The following ELFN1 variants were observed in gnomAD, a reference collection of about 807,000 sequenced individuals.
The protein encoded by ELFN1 is extracellular leucine rich repeat and fibronectin type III domain containing 1, also known as protein ELFN1.
A neutral mutation model predicts 7.6 loss-of-function variants in ELFN1; 6 were observed. The ratio of observed to expected loss-of-function variants is 0.79; its 90% CI spans 0.43 to 1.56. The LOEUF (loss-of-function observed/expected upper bound fraction) is 1.56. Among genes scored for constraint, ELFN1 ranks in the 40% most tolerant of loss-of-function variants. The probability of loss-of-function intolerance (pLI) is 0.01; values close to 1 mark genes in which losing one functional copy is unlikely to be tolerated. For synonymous variants in ELFN1, 657 were observed against 588.1 expected (o/e 1.12, Z -1.70); for missense variants, 1,169 against 1,232.2 (o/e 0.95, Z 0.77).
rs1554245198 is a variant in ELFN1, at chr7:1,673,093, C to CGT, written c.-549+2739_-549+2740insGT. ...TTTGTCATCTCTCCAGCGCCCCCCC[C>CGT]CGCTCTTTCCTTTTTGTTTTTGTTG... On this transcript the variant is annotated intron_variant, in intron 1 of 3. Transcript: ENST00000424383. This position sits in a 1 kb window ranked among gnomAD's most constrained non-coding sequence, Gnocchi z 4.7. Among the ~76,000 whole-genome samples, 6 of 151,606 alleles carry CGT rather than the reference C, an allele frequency of 4.0e-5. No individual in the cohort carries two copies. The highest frequency in any genetic ancestry group is 8.8e-5 in the Non-Finnish European group (6 of 67,902).
chr7:1,744,913 G>T lies in ELFN1; in HGVS notation c.317G>T (p.Gly106Val). The T allele has an allele frequency of 6.4e-7, 1 of 1,553,700 alleles. No individual in the cohort carries two copies. The highest frequency in any genetic ancestry group is 8.7e-7 in the Non-Finnish European group (1 of 1,148,122). Residue 106 changes from glycine (G) to valine (V), a missense_variant, in exon 4 of 4, where the codon GGC (glycine) becomes GTC (valine). Gly to Val is a moderately radical substitution (Grantham distance 109). Coordinates refer to ENST00000424383, the MANE Select transcript of ELFN1 (RefSeq NM_001128636.4). ...IGYIEDGAFS[G>V]QFNLQVLQLG... ...TACATCGAGGACGGCGCCTTCTCGG[G>T]CCAGTTCAACCTGCAGGTGCTGCAG...
At chr7:1,685,223 C>T (rs1403265877) in intron 1 of ELFN1, among the ~76,000 whole-genome samples, 1 of 152,138 alleles carries the variant, frequency 6.6e-6, no homozygotes, top group Admixed American at 6.5e-5. Context: ...CACTGTGAAT[C>T]AATTTTCTCC....
chr7:1,733,092 G>C (rs1780357966), intron 3 of ELFN1, among the ~76,000 whole-genome samples: 1 of 151,938 alleles, frequency 6.6e-6, no homozygotes, highest in Non-Finnish European at 1.5e-5. Context: ...GTAGAGATGG[G>C]GTTTCACCAT....
intron 1 of ELFN1, among the ~76,000 whole-genome samples, chr7:1,675,954 G>A (rs944207087): frequency 9.2e-5 from 14 of 152,216 alleles, no homozygotes; most frequent in Non-Finnish European, 1.9e-4. Context: ...GGACCCTCAG[G>A]ATGTGTCTCC....
chr7:1,713,138 T>C (rs1779714019), intron 3 of ELFN1, among the ~76,000 whole-genome samples: 2 of 152,184 alleles, frequency 1.3e-5, no homozygotes, highest in Admixed American at 1.3e-4. Flanking sequence ...CCCAGCCCCA[T>C]AGCCTCCGGA....
upstream of ELFN1, among the ~76,000 whole-genome samples, chr7:1,669,936 G>C (rs1420398535): frequency 6.8e-6 from 1 of 147,514 alleles, no homozygotes; most frequent in East Asian, 2.1e-4. Context: ...CCGCGAGGAC[G>C]CCCCCTGCGC....
chr7:1,666,978 C>T (rs1028581028), upstream of ELFN1, among the ~76,000 whole-genome samples: 1 of 151,328 alleles, frequency 6.6e-6, no homozygotes, highest in Admixed American at 6.6e-5. The surrounding 1 kb of genome is among the most constrained non-coding windows in gnomAD (Gnocchi z 7.9). Context: ...GAAGCTGGCG[C>T]GGCGGGGCTG....
At chr7:1,667,855 G>A (rs1778693299), upstream of ELFN1, among the ~76,000 whole-genome samples, 1 of 152,060 alleles carries the variant, frequency 6.6e-6, no homozygotes, top group Non-Finnish European at 1.5e-5. This position sits in a 1 kb window ranked among gnomAD's most constrained non-coding sequence, Gnocchi z 8.2. Context: ...CGGCGGCGCC[G>A]GCGTCCGGGT....
chr7:1,706,424 AAAAAC>A (rs57052038), intron 2 of ELFN1, among the ~76,000 whole-genome samples: 35,187 of 149,058 alleles, frequency 0.24, 4,721 homozygotes, highest in African/African-American at 0.37. Flanking sequence ...TCTGTCTCAA[AAAAAC>A]AAAACAAAAC....
In ELFN1 at chr7:1,746,003, C is replaced by T. The variant is rs1328282388; in HGVS notation, c.1407C>T (p.Leu469=). The part of the protein sequence containing the change: ...AGSLKKTIIE[L]KYGPELEAPG... ...GCCTCAAGAAGACCATCATCGAGCT[C>T]AAGTACGGGCCAGAGCTGGAGGCGC... Residue 469 remains leucine, a synonymous_variant, in exon 4 of 4, where the codon CTC becomes CTT. Coordinates refer to ENST00000424383, the MANE Select transcript of ELFN1 (RefSeq NM_001128636.4). 1.9e-6 allele frequency: 3 copies of T among 1,544,282 alleles called. No homozygotes were observed. The highest frequency in any genetic ancestry group is 1.2e-5 in the South Asian group (1 of 83,670).
chr7:1,693,433 G>A (rs1779219704), intron 2 of ELFN1: 1 of 471,164 alleles, frequency 2.1e-6, no homozygotes, highest in African/African-American at 2.0e-5. Flanking sequence ...TGTACACATA[G>A]GTGACATGGG....
intron 1 of ELFN1, among the ~76,000 whole-genome samples, chr7:1,672,403 C>T (rs766651582): frequency 2.0e-5 from 3 of 152,138 alleles, no homozygotes; most frequent in African/African-American, 4.8e-5. Context: ...AACAGGTGTC[C>T]GGGGTCCCAG....
intron 1 of ELFN1, among the ~76,000 whole-genome samples, chr7:1,678,487 T>A (rs1174137579): frequency 6.6e-6 from 1 of 151,896 alleles, no homozygotes; most frequent in Non-Finnish European, 1.5e-5. Context: ...AGGCATGGAG[T>A]GGGGAAGTAA....
chr7:1,702,306 C>T (rs1291469835), intron 2 of ELFN1, among the ~76,000 whole-genome samples: 1 of 151,728 alleles, frequency 6.6e-6, no homozygotes, highest in African/African-American at 2.4e-5. Context: ...TGCCTGTAGT[C>T]CCAGCTACTT....
rs1015314147 is a variant in ELFN1 at position 1,746,725 on chromosome 7, C to G, written c.2129C>G (p.Ser710Cys). 3.4e-5 allele frequency: 51 copies of G among 1,480,804 alleles called. No individual in the cohort carries two copies. The highest frequency in any genetic ancestry group is 4.2e-5 in the Non-Finnish European group (47 of 1,122,344). The allele number at this position is 1,480,804 out of a possible 1,614,324, so 91.7% of individuals were successfully genotyped here. A position where few individuals can be genotyped will look rare whatever the true frequency, so the allele number is the denominator to read the frequency against. Residue 710 changes from serine (S) to cysteine (C), a missense_variant, in exon 4 of 4, where the codon TCC (serine) becomes TGC (cysteine). Ser to Cys is a moderately radical substitution (Grantham distance 112). Around this residue, in one of 2 missense-constraint regions of ELFN1, gnomAD observed 914 missense variants for 872.6 expected, o/e 1.05. Coordinates refer to ENST00000424383, the MANE Select transcript of ELFN1 (RefSeq NM_001128636.4). The stretch of plus-strand genomic sequence containing the variant: ...GAGCACCGGCACTCGTACCCCGGCT[C>G]CCACCCGGCCGAGCCACCTGCGCCC... ...YGEHRHSYPG[S>C]HPAEPPAPPG...
chr7:1,744,545 C>T lies in ELFN1; in HGVS notation c.-52C>T. The T allele has an allele frequency of 1.8e-5, 26 of 1,440,292 alleles. No individual in the cohort carries two copies. The highest frequency in any genetic ancestry group is 2.4e-5 in the Non-Finnish European group (26 of 1,102,648). 89.2% of individuals were successfully genotyped at this position (1,440,292 alleles called of 1,614,324 possible). The stretch of plus-strand genomic sequence containing the variant: ...CTCTGGGGGCTGGCGCCTGGCCCCC[C>T]ACCTGGTCCCCCTGGGCAGGCTGAA... On this transcript the variant is annotated 5_prime_UTR_variant, in exon 4 of 4. Coordinates refer to ENST00000424383, the MANE Select transcript of ELFN1 (RefSeq NM_001128636.4).
chr7:1,731,993 G>A lies in ELFN1; in HGVS notation c.-293-12311G>A, dbSNP rs969236772. On this transcript the variant is annotated intron_variant, in intron 3 of 3. Transcript: ENST00000424383. Reference sequence around the variant, plus strand: ...GCAGCTATGGAGTTAATATTTCCCTGAATTCATTCAGCATGCACTGCCTAC... The same window carrying A: ...GCAGCTATGGAGTTAATATTTCCCTAAATTCATTCAGCATGCACTGCCTAC... Among the ~76,000 whole-genome samples, 5 of 152,206 alleles carry A rather than the reference G, an allele frequency of 3.3e-5. No individual in the cohort carries two copies. In the South Asian group the frequency reaches 1.0e-3, roughly 31 times the overall value.
At chr7:1,701,093 G>A (rs545777727) in intron 2 of ELFN1, among the ~76,000 whole-genome samples, 12 of 150,992 alleles carry the variant, frequency 7.9e-5, no homozygotes, top group Non-Finnish European at 1.2e-4. Flanking sequence ...GTGTGTGCGC[G>A]TGTGTGTGCG....
chr7:1,680,943 T>C (rs1778965196), intron 1 of ELFN1, among the ~76,000 whole-genome samples: 1 of 152,066 alleles, frequency 6.6e-6, no homozygotes, highest in Admixed American at 6.6e-5. Context: ...GGTTTCACCA[T>C]GTTGACCAGG....
Sources: allele counts gnomAD v4.1 joint callset (sites outside exome capture counted in the v4.1 genomes callset), GRCh38; gene constraint gnomAD v4.1.1; regional missense constraint gnomAD v4.1.1; non-coding constraint Gnocchi (gnomAD v3.1); transcripts MANE v1.5; gene names NCBI Gene and HGNC (gene_info 2026-07-23, HGNC 2026-07-21).